The following GEMIN7 variants were observed in gnomAD, a reference collection of about 807,000 sequenced individuals.
The protein encoded by GEMIN7 is gem-associated protein 7.
A neutral mutation model predicts 7.8 loss-of-function variants in GEMIN7; 7 were observed. That is an observed-to-expected ratio of 0.90 (90% CI 0.51 to 1.69). The LOEUF is 1.69. Ranked by LOEUF, GEMIN7 falls within the 40% of genes most tolerant of loss-of-function variation. The pLI, the probability that GEMIN7 is intolerant of heterozygous loss-of-function variation, is 0.00. For synonymous variants in GEMIN7, 68 were observed against 72.4 expected (o/e 0.94, Z 0.31); for missense variants, 159 against 176.2 (o/e 0.90, Z 0.55).
In GEMIN7 at chr19:45,084,925, T is replaced by G. The variant is rs559941513; in HGVS notation, c.-9+4896T>G. Among the ~76,000 whole-genome samples, 4 of 152,344 alleles carry G rather than the reference T, an allele frequency of 2.6e-5. No homozygotes were observed. In the East Asian group the frequency reaches 7.7e-4, roughly 29 times the overall value. On this transcript the variant is annotated intron_variant, in intron 2 of 2. Coordinates refer to ENST00000270257, the MANE Select transcript of GEMIN7 (RefSeq NM_024707.3). Reference sequence around the variant, plus strand: ...CATGCACCACCACTAATTACAGAAATGCACCATCAGGCTAATTTTGTATTT... The same window carrying G: ...CATGCACCACCACTAATTACAGAAAGGCACCATCAGGCTAATTTTGTATTT...
chr19:45,089,559 CAG>C (rs1197201573), intron 2 of GEMIN7, among the ~76,000 whole-genome samples: 4 of 152,140 alleles, frequency 2.6e-5, no homozygotes, highest in Admixed American at 2.0e-4. Context: ...TTTTTAGAGA[CAG>C]TGTCTCACTC....
At chr19:45,084,363 C>T (rs983389146) in intron 2 of GEMIN7, among the ~76,000 whole-genome samples, 1 of 105,848 alleles carries the variant, frequency 9.4e-6, no homozygotes, top group Non-Finnish European at 2.0e-5. Context: ...GACTTCATCT[C>T]TATAAAATAA....
rs1168400716 is a variant in GEMIN7, at chr19:45,090,340, C to T, written c.226C>T (p.His76Tyr). ...YLRSLLAMVG[H>Y]QVSFTLHEGV... The stretch of plus-strand genomic sequence containing the variant: ...CCGCAGCCTGCTGGCCATGGTGGGT[C>T]ATCAGGTGAGCTTCACGTTGCACGA... The change falls in exon 3 of 3, where the codon CAT (histidine) becomes TAT (tyrosine). Residue 76 changes from histidine (H) to tyrosine (Y), a missense_variant. His to Tyr is a moderately conservative substitution (Grantham distance 83). Transcript: ENST00000270257. 2.5e-6 allele frequency: 4 copies of T among 1,614,180 alleles called. No homozygotes were observed. The African/African-American group carries it at 5.3e-5, about 22-fold the overall frequency.
intron 2 of GEMIN7, among the ~76,000 whole-genome samples, chr19:45,081,666 A>G (rs918511844): frequency 1.3e-5 from 2 of 151,702 alleles, no homozygotes; most frequent in South Asian, 4.2e-4. Flanking sequence ...TCACTCTGTC[A>G]TCCATGCTGG....
At chr19:45,086,950 G>A (rs915310636) in intron 2 of GEMIN7, among the ~76,000 whole-genome samples, 2 of 152,032 alleles carry the variant, frequency 1.3e-5, no homozygotes, top group Non-Finnish European at 1.5e-5. Context: ...TGGTGCAAGC[G>A]ATTCTCCTGC....
intron 2 of GEMIN7, among the ~76,000 whole-genome samples, chr19:45,085,082 C>G (rs1483854848): frequency 1.3e-5 from 2 of 151,932 alleles, no homozygotes; most frequent in Non-Finnish European, 2.9e-5. Flanking sequence ...CAACACCCGG[C>G]TAATTTTTGT....
intron 2 of GEMIN7, among the ~76,000 whole-genome samples, chr19:45,081,350 G>A (rs918493617): frequency 2.0e-5 from 3 of 151,870 alleles, no homozygotes; most frequent in African/African-American, 7.3e-5. Context: ...TAGTTACTTG[G>A]GAGGCTGAGG....
intron 2 of GEMIN7, among the ~76,000 whole-genome samples, chr19:45,084,084 A>G (rs8111560): frequency 0.55 from 82,717 of 151,246 alleles, 23,457 homozygotes; most frequent in African/African-American, 0.67. Context: ...GGTCGCGGGC[A>G]CCTGTAATCC....
upstream of GEMIN7, among the ~76,000 whole-genome samples, chr19:45,078,300 G>C (rs921793534): frequency 6.6e-6 from 1 of 151,936 alleles, no homozygotes; most frequent in African/African-American, 2.4e-5. Flanking sequence ...ATGTTGGCCA[G>C]GCTGGTCTCG....
chr19:45,076,246 TG>T, upstream of GEMIN7: 1 of 1,507,996 alleles, frequency 6.6e-7, no homozygotes, highest in South Asian at 1.3e-5. The surrounding 1 kb of genome is among the most constrained non-coding windows in gnomAD (Gnocchi z 4.9). Flanking sequence ...TGGGGCCTGT[TG>T]GGGCTGCGCG....
rs1239253612 is a variant in GEMIN7, at chr19:45,091,496, A to G, written c.*986A>G. 1 of 166,016 alleles carries G rather than the reference A, an allele frequency of 6.0e-6. No individual in the cohort carries two copies. Among genetic ancestry groups the G allele is most frequent in the Non-Finnish European group, 1.5e-5 (1 of 68,126 alleles). The allele number at this position is 166,016 out of a possible 1,614,324, so 10.3% of individuals were successfully genotyped here. On this transcript the variant is annotated 3_prime_UTR_variant, in exon 3 of 3. Transcript: ENST00000270257. ...TGTAAGCGAAGCCTTCCATTAAGTAAAGGTGAGTGTCGTTTCGTCTCAGTC... is the reference window on the plus strand; with the variant it reads ...TGTAAGCGAAGCCTTCCATTAAGTAGAGGTGAGTGTCGTTTCGTCTCAGTC...
At chr19:45,079,755 G>C (rs1464424922) in intron 1 of GEMIN7, among the ~76,000 whole-genome samples, 152 bp from the exon 2 acceptor site, 1 of 152,230 alleles carries the variant, frequency 6.6e-6, no homozygotes, top group Non-Finnish European at 1.5e-5. Flanking sequence ...ACCGGCCCCA[G>C]GGGAGAAGGG....
rs1004404543 is a variant in GEMIN7 at position 45,079,754 on chromosome 19, A to G, written c.-131-153A>G. Reference sequence around the variant, plus strand: ...AATTGAAAGGAAACTGACCGGCCCCAGGGGAGAAGGGGAGGGGAGAGATTC... The same window carrying G: ...AATTGAAAGGAAACTGACCGGCCCCGGGGGAGAAGGGGAGGGGAGAGATTC... On this transcript the variant is annotated intron_variant, in intron 1 of 2. Transcript: ENST00000270257. Among the ~76,000 whole-genome samples the G allele has an allele frequency of 2.6e-5, 4 of 152,182 alleles. 1 individual carries two copies. The South Asian group carries it at 8.3e-4, about 32-fold the overall frequency.
chr19:45,080,374 ATTT>A (rs765472967), intron 2 of GEMIN7, among the ~76,000 whole-genome samples: 38 of 134,862 alleles, frequency 2.8e-4, no homozygotes, highest in Non-Finnish European at 3.8e-4. Flanking sequence ...CAAGGAAATG[ATTT>A]TTTTTTTTTT....
chr19:45,078,164 C>T (rs913426000), upstream of GEMIN7, among the ~76,000 whole-genome samples: 18 of 145,126 alleles, frequency 1.2e-4, no homozygotes, highest in African/African-American at 4.4e-4. Flanking sequence ...TGCAGTGGCA[C>T]GACCTCAGCT....
intron 2 of GEMIN7, among the ~76,000 whole-genome samples, chr19:45,087,459 T>C (rs531029624): frequency 2.2e-4 from 30 of 137,304 alleles, no homozygotes; most frequent in African/African-American, 5.5e-4. Flanking sequence ...TGAATTCTCA[T>C]TGGTCTCTAT....
At chr19:45,079,219 G>T (rs900063801), upstream of GEMIN7, 1 of 152,470 alleles carries the variant, frequency 6.6e-6, no homozygotes, top group East Asian at 1.9e-4. Flanking sequence ...CTTGCGGCCT[G>T]CCCGGGCCTC....
Position 45,086,407 on chromosome 19 carries a change from G to A in GEMIN7, c.-8-3700G>A, listed in dbSNP as rs139713267. Among the ~76,000 whole-genome samples the A allele has an allele frequency of 7.5e-3, 1,144 of 152,288 alleles. 5 individuals are homozygous for A. Among genetic ancestry groups the A allele is most frequent in the Non-Finnish European group, 0.011 (780 of 68,016 alleles). ...AGGAGAGGACCAAGCCACAGGGAGT[G>A]GTGCAGCTGCTAAAACCTAGGTCCT... On this transcript the variant is annotated intron_variant, in intron 2 of 2. Transcript: ENST00000270257.
At chr19:45,076,764 C>G (rs1967364479), upstream of GEMIN7, 1 of 186,400 alleles carries the variant, frequency 5.4e-6, no homozygotes, top group African/African-American at 2.3e-5. This position sits in a 1 kb window ranked among gnomAD's most constrained non-coding sequence, Gnocchi z 4.9. Flanking sequence ...GGTCACGTTT[C>G]TTATTAGGTG....
Sources: allele counts gnomAD v4.1 joint callset (sites outside exome capture counted in the v4.1 genomes callset), GRCh38; gene constraint gnomAD v4.1.1; non-coding constraint Gnocchi (gnomAD v3.1); transcripts MANE v1.5; gene names NCBI Gene and HGNC (gene_info 2026-07-23, HGNC 2026-07-21).